The following VGLL4 variants were observed in gnomAD, a reference collection of about 807,000 sequenced individuals.
VGLL4 encodes the protein transcription cofactor vestigial-like protein 4.
In VGLL4, 7 loss-of-function variants were observed where a neutral mutation model predicts 21.0. The observed-to-expected ratio is 0.33, with a 90% CI of 0.19 to 0.63. The LOEUF is 0.63. VGLL4 is among the 20% of genes least tolerant of loss of function. The pLI, the probability that VGLL4 is intolerant of heterozygous loss-of-function variation, is 0.78. For synonymous variants in VGLL4, 222 were observed against 173.2 expected, an observed-to-expected ratio of 1.28 and a Z score of -2.21; for missense variants, 394 against 425.7, an observed-to-expected ratio of 0.93 and a Z score of 0.66.
At position 11,643,588 on chromosome 3, in the gene VGLL4, G is replaced by A. The variant is rs1398497770; in HGVS notation, c.-70C>T. Reference sequence around the variant, plus strand: ...AAGAGTTAAGTTTCAAAAATCAATTGTTGCTGAGTAGCTCCTGGCTCTTCA... The same window carrying A: ...AAGAGTTAAGTTTCAAAAATCAATTATTGCTGAGTAGCTCCTGGCTCTTCA... On this transcript the variant is annotated 5_prime_UTR_variant, in exon 1 of 5. Coordinates refer to ENST00000430365, the MANE Select transcript of VGLL4 (RefSeq NM_001128219.3). 6.2e-7 allele frequency: 1 copy of A among 1,606,658 alleles called. No individual in the cohort carries two copies. The highest frequency in any genetic ancestry group is 8.5e-7 in the Non-Finnish European group (1 of 1,177,804).
At chr3:11,614,679 C>T (rs905277197) in intron 1 of VGLL4, among the ~76,000 whole-genome samples, 1 of 152,164 alleles carries the variant, frequency 6.6e-6, no homozygotes, top group African/African-American at 2.4e-5. Flanking sequence ...GTTTCAGAAG[C>T]CACAGAGTGA....
chr3:11,646,655 T>C (rs534485167), upstream of VGLL4, among the ~76,000 whole-genome samples: 2 of 152,244 alleles, frequency 1.3e-5, no homozygotes, highest in South Asian at 4.1e-4. Context: ...ATTCAAACAA[T>C]ACCATTGTAG....
At chr3:11,617,341 G>C (rs1203030124) in intron 1 of VGLL4, among the ~76,000 whole-genome samples, 2 of 152,204 alleles carry the variant, frequency 1.3e-5, no homozygotes, top group African/African-American at 4.8e-5. Flanking sequence ...AGGTGGGTCA[G>C]ATAATAAAGG....
intron 1 of VGLL4, chr3:11,710,626 A>G (rs1052661528): frequency 6.6e-6 from 1 of 152,254 alleles, no homozygotes; most frequent in Admixed American, 6.5e-5. Context: ...AGATGCACAC[A>G]ATAAAATACC....
chr3:11,582,792 A>G (rs886926148), intron 2 of VGLL4, among the ~76,000 whole-genome samples: 2 of 152,232 alleles, frequency 1.3e-5, no homozygotes, highest in Non-Finnish European at 2.9e-5. Flanking sequence ...AAGGAATGCC[A>G]GAAATCCCCT....
intron 2 of VGLL4, among the ~76,000 whole-genome samples, chr3:11,656,973 G>T (rs1010923589): frequency 3.9e-5 from 6 of 152,146 alleles, no homozygotes; most frequent in Admixed American, 3.9e-4. Context: ...CTGGGAGTAG[G>T]CAGCAAGGAG....
At position 11,565,850 on chromosome 3, in the gene VGLL4, T is replaced by G. The variant is rs923731797; in HGVS notation, c.273-831A>C. Among the ~76,000 whole-genome samples, 2 of 152,228 alleles carry G rather than the reference T, an allele frequency of 1.3e-5. No individual in the cohort carries two copies. Among genetic ancestry groups the G allele is most frequent in the African/African-American group, 4.8e-5 (2 of 41,458 alleles). ...ACACCAACCCCACACAGGTAAGCCA[T>G]GGCCAGCCCTGGTCCACCCTCCCTG... On this transcript the variant is annotated intron_variant, in intron 2 of 4. Coordinates refer to ENST00000430365, the MANE Select transcript of VGLL4 (RefSeq NM_001128219.3). This position sits in a 1 kb window ranked among gnomAD's most constrained non-coding sequence, Gnocchi z 4.1.
chr3:11,656,981 G>A (rs1399295682), intron 2 of VGLL4, among the ~76,000 whole-genome samples: 1 of 152,168 alleles, frequency 6.6e-6, no homozygotes, highest in African/African-American at 2.4e-5. Flanking sequence ...AGGCAGCAAG[G>A]AGGTAAGGAA....
chr3:11,569,603 G>T (rs910722308), intron 2 of VGLL4, among the ~76,000 whole-genome samples: 1 of 152,228 alleles, frequency 6.6e-6, no homozygotes, highest in Non-Finnish European at 1.5e-5. Context: ...TGAGTGGGCC[G>T]GGACACAGCC....
chr3:11,702,717 G>A (rs1441120559), intron 2 of VGLL4: 3 of 204,854 alleles, frequency 1.5e-5, no homozygotes, highest in Non-Finnish European at 2.9e-5. Flanking sequence ...GGGCAACACA[G>A]CATGATCCCA....
rs116592782 is a variant in VGLL4 at position 11,656,436 on chromosome 3, T to A, written c.64+46535A>T. 7.4e-3 allele frequency among the ~76,000 whole-genome samples: 1,132 copies of A among 152,246 alleles called. 12 individuals carry two copies. The highest frequency in any genetic ancestry group is 0.026 in the African/African-American group (1,060 of 41,536). ...GAGGAGTTCCCAGGGGTGCTGGTGTTGGCAGGGCCTTTAGGCTGGAAGGCT... is the reference window on the plus strand; with the variant it reads ...GAGGAGTTCCCAGGGGTGCTGGTGTAGGCAGGGCCTTTAGGCTGGAAGGCT... On this transcript the variant is annotated intron_variant, in intron 2 of 5. Transcript: ENST00000273038.
chr3:11,676,678 A>T lies in VGLL4; in HGVS notation c.64+26293T>A, dbSNP rs80009388. On this transcript the variant is annotated intron_variant, in intron 2 of 5. Coordinates refer to the VGLL4 transcript ENST00000273038. Reference sequence around the variant, plus strand: ...TATAAATATAAAAGGTTTGCATATAAATATAAAAAACATCTAAGAAGTGTT... The same window carrying T: ...TATAAATATAAAAGGTTTGCATATATATATAAAAAACATCTAAGAAGTGTT... Among the ~76,000 whole-genome samples, 39 of 152,124 alleles carry T rather than the reference A, an allele frequency of 2.6e-4. No homozygotes were observed. In the East Asian group the frequency reaches 7.5e-3, roughly 29 times the overall value.
chr3:11,705,303 A>C (rs1207951521), intron 1 of VGLL4, among the ~76,000 whole-genome samples: 1 of 152,192 alleles, frequency 6.6e-6, no homozygotes, highest in African/African-American at 2.4e-5. Context: ...GAGGGCAGCG[A>C]GGGGCACTGG....
At position 11,568,183 on chromosome 3, in the gene VGLL4, G is replaced by C. The variant is rs1160743219; in HGVS notation, c.273-3164C>G. Among the ~76,000 whole-genome samples, 1 of 152,234 alleles carries C rather than the reference G, an allele frequency of 6.6e-6. No homozygotes were observed. Among genetic ancestry groups the C allele is most frequent in the Non-Finnish European group, 1.5e-5 (1 of 68,044 alleles). Reference sequence around the variant, plus strand: ...GCATGGAGGAGCAGACTAAAGGTCAGGCGTCTGCCCATGTCCAAAGCCAAA... The same window carrying C: ...GCATGGAGGAGCAGACTAAAGGTCACGCGTCTGCCCATGTCCAAAGCCAAA... On this transcript the variant is annotated intron_variant, in intron 2 of 4. Transcript: ENST00000430365. The surrounding 1 kb of genome is among the most constrained non-coding windows in gnomAD (Gnocchi z 5.9).
intron 3 of VGLL4, among the ~76,000 whole-genome samples, chr3:11,561,744 G>A (rs2073026243): frequency 6.6e-6 from 1 of 152,082 alleles, no homozygotes; most frequent in South Asian, 2.1e-4. Context: ...GCGGATTTGT[G>A]GCAGGGCCAG....
chr3:11,685,317 G>C (rs1309813837), intron 2 of VGLL4, among the ~76,000 whole-genome samples: 1 of 151,198 alleles, frequency 6.6e-6, no homozygotes, highest in Non-Finnish European at 1.5e-5. Flanking sequence ...TCATGCCTCA[G>C]CCTCCTGAGT....
intron 2 of VGLL4, among the ~76,000 whole-genome samples, chr3:11,671,983 A>T (rs1406570862): frequency 6.6e-6 from 1 of 152,216 alleles, no homozygotes; most frequent in Non-Finnish European, 1.5e-5. Context: ...CAAAGCTGTC[A>T]ACGCTCTGCT....
chr3:11,673,626 C>T (rs1490094212), intron 2 of VGLL4, among the ~76,000 whole-genome samples: 1 of 152,060 alleles, frequency 6.6e-6, no homozygotes, highest in Non-Finnish European at 1.5e-5. Flanking sequence ...TCTAAACCCC[C>T]AAGTCATGGC....
At chr3:11,692,815 T>TTA (rs1397148920) in intron 2 of VGLL4, among the ~76,000 whole-genome samples, 2 of 152,202 alleles carry the variant, frequency 1.3e-5, no homozygotes, top group African/African-American at 2.4e-5. Context: ...TTTTATTCTC[T>TTA]TAATTTTTTC....
Sources: gnomAD v4.1 joint callset for allele counts (sites outside exome capture counted in the v4.1 genomes callset) on GRCh38, gnomAD v4.1.1 for gene constraint, Gnocchi (gnomAD v3.1) non-coding constraint, MANE v1.5 for transcripts, NCBI Gene and HGNC (gene_info 2026-07-23, HGNC 2026-07-21) for gene names.